The following ASB3 variants were observed in gnomAD, a reference collection of about 807,000 sequenced individuals.
The protein encoded by ASB3 is ankyrin repeat and SOCS box protein 3.
In ASB3, 41 loss-of-function variants were observed where a neutral mutation model predicts 54.5. The ratio of observed to expected loss-of-function variants is 0.75; its 90% CI spans 0.59 to 0.98. The LOEUF (loss-of-function observed/expected upper bound fraction) is 0.98. ASB3 is among the 50% of genes least tolerant of loss of function. The probability of loss-of-function intolerance (pLI) is 0.00; values close to 1 mark genes in which losing one functional copy is unlikely to be tolerated. For missense variants in ASB3, 733 were observed against 620.0 expected (o/e 1.18, Z -1.94); for synonymous variants, 266 against 221.2 (o/e 1.20, Z -1.80).
intron 2 of ASB3, among the ~76,000 whole-genome samples, chr2:53,762,551 G>T (rs1160597680): frequency 2.0e-5 from 3 of 152,182 alleles, no homozygotes; most frequent in African/African-American, 7.2e-5. Context: ...CTATGAGCTA[G>T]ATCATTTATT....
rs1034845770 is a variant in ASB3 at position 53,670,282 on chromosome 2, G to C, written c.*221C>G. On this transcript the variant is annotated 3_prime_UTR_variant, in exon 10 of 10. Transcript: ENST00000263634. Reference sequence around the variant, plus strand: ...GAAGCTGCAATAAAGTAATATAAGTGATGTTTACAATTTTTTTTTTTTTTT... The same window carrying C: ...GAAGCTGCAATAAAGTAATATAAGTCATGTTTACAATTTTTTTTTTTTTTT... 1.6e-5 allele frequency: 7 copies of C among 432,940 alleles called. No homozygotes were observed. The highest frequency in any genetic ancestry group is 2.4e-5 in the Non-Finnish European group (6 of 252,974). 26.8% of individuals were successfully genotyped at this position (432,940 alleles called of 1,614,324 possible).
chr2:53,763,010 T>A (rs1673230532), intron 2 of ASB3, among the ~76,000 whole-genome samples: 1 of 152,140 alleles, frequency 6.6e-6, no homozygotes, highest in African/African-American at 2.4e-5. Context: ...ACCTTCTTAT[T>A]TGGGTGCACT....
At chr2:53,773,637 G>A (rs1674105854) in intron 1 of ASB3, among the ~76,000 whole-genome samples, 1 of 151,784 alleles carries the variant, frequency 6.6e-6, no homozygotes, top group Non-Finnish European at 1.5e-5. Flanking sequence ...CACCATCTTG[G>A]CCAGGCTGGT....
chr2:53,727,514 T>A (rs771762533), intron 5 of ASB3, among the ~76,000 whole-genome samples: 1 of 152,022 alleles, frequency 6.6e-6, no homozygotes. Flanking sequence ...AATGCACCTG[T>A]AATCGCAGCT....
intron 3 of ASB3, among the ~76,000 whole-genome samples, chr2:53,731,480 G>C (rs942345100): frequency 4.6e-5 from 7 of 152,250 alleles, no homozygotes; most frequent in Non-Finnish European, 8.8e-5. Context: ...ACCAATGGCT[G>C]TGACAGTACC....
At chr2:53,721,904 A>G (rs1242703803) in intron 5 of ASB3, among the ~76,000 whole-genome samples, 1 of 152,152 alleles carries the variant, frequency 6.6e-6, no homozygotes, top group Non-Finnish European at 1.5e-5. Flanking sequence ...TGAAACCAAA[A>G]GTTGGTTCTT....
chr2:53,676,096 T>C (rs1668067548), intron 9 of ASB3, among the ~76,000 whole-genome samples: 1 of 152,216 alleles, frequency 6.6e-6, no homozygotes, highest in Non-Finnish European at 1.5e-5. Context: ...AATTTACCTT[T>C]GAGCTTAAGG....
intron 1 of ASB3, chr2:53,767,872 A>G: frequency 6.3e-7 from 1 of 1,599,272 alleles, no homozygotes. Context: ...ACTGGGGCAG[A>G]GGAGCCGCGA....
intron 2 of ASB3, among the ~76,000 whole-genome samples, chr2:53,756,394 T>C (rs1572976531): frequency 6.6e-6 from 1 of 152,176 alleles, no homozygotes. Context: ...CTGATTAACA[T>C]AGCATACAAT....
chr2:53,779,611 AT>A (rs1335284638), intron 1 of ASB3, among the ~76,000 whole-genome samples: 1 of 151,940 alleles, frequency 6.6e-6, no homozygotes, highest in Non-Finnish European at 1.5e-5. Flanking sequence ...TAATTTTTGC[AT>A]TTTTTGTAGA....
chr2:53,747,528 G>A (rs956878886), intron 3 of ASB3, among the ~76,000 whole-genome samples: 13 of 152,120 alleles, frequency 8.5e-5, no homozygotes, highest in Non-Finnish European at 1.3e-4. Context: ...GCTGGACAAC[G>A]AGACTGAAAG....
chr2:53,764,893 T>C (rs1673350229), intron 2 of ASB3, among the ~76,000 whole-genome samples: 1 of 152,240 alleles, frequency 6.6e-6, no homozygotes, highest in African/African-American at 2.4e-5. Context: ...ATATTTGTCA[T>C]CTGTTTCCTC....
chr2:53,749,114 A>G (rs777428049), intron 3 of ASB3, among the ~76,000 whole-genome samples: 1 of 152,136 alleles, frequency 6.6e-6, no homozygotes, highest in Non-Finnish European at 1.5e-5. Flanking sequence ...GACTACTTCC[A>G]TAAGTCTGAA....
In ASB3 at chr2:53,670,635, T is replaced by C. The variant is rs775960620; in HGVS notation, c.1425A>G (p.Lys475=). 2.5e-6 allele frequency: 4 copies of C among 1,613,890 alleles called. No homozygotes were observed. The highest frequency in any genetic ancestry group is 8.5e-7 in the Non-Finnish European group (1 of 1,179,972). The change falls in exon 10 of 10, where the codon AAA becomes AAG. Residue 475 remains lysine, a synonymous_variant. Transcript: ENST00000263634. ...LCRLEIRSSL[K]SERLRSDSYI... is the part of the protein sequence containing the mutation. ...AACTGTCAGACCGTAGACGTTCTGA[T>C]TTTAGACTGGACCGAATTTCCAAAC... is the stretch of plus-strand genomic sequence containing the variant.
intron 3 of ASB3, among the ~76,000 whole-genome samples, chr2:53,744,384 C>CAAAAAAAAAAAAAAAA (rs779225958): frequency 5.7e-5 from 8 of 139,942 alleles, no homozygotes; most frequent in African/African-American, 2.0e-4. Context: ...GACTCTGTCT[C>CAAAAAAAAAAAAAAAA]AAAAAAATAA....
chr2:53,720,518 T>G (rs778582284), intron 5 of ASB3, among the ~76,000 whole-genome samples: 1 of 152,096 alleles, frequency 6.6e-6, no homozygotes. Context: ...TACATAATGA[T>G]AAAGGGTTCA....
chr2:53,695,581 A>G (rs1669139427), intron 8 of ASB3, among the ~76,000 whole-genome samples: 1 of 152,076 alleles, frequency 6.6e-6, no homozygotes, highest in South Asian at 2.1e-4. Context: ...TTATCTGAAC[A>G]TATACATGAC....
intron 1 of ASB3, chr2:53,767,717 T>G: frequency 1.4e-6 from 1 of 737,878 alleles, no homozygotes; most frequent in Non-Finnish European, 2.2e-6. Context: ...CTGACTGAGA[T>G]CCGCTCGGAA....
chr2:53,777,990 T>C (rs1205384749), intron 1 of ASB3, among the ~76,000 whole-genome samples: 4 of 151,526 alleles, frequency 2.6e-5, no homozygotes, highest in Non-Finnish European at 5.9e-5. Flanking sequence ...CTACCAAAAA[T>C]ACAAAAAAAT....
Sources: gnomAD v4.1 joint callset for allele counts (sites outside exome capture counted in the v4.1 genomes callset) on GRCh38, gnomAD v4.1.1 for gene constraint, MANE v1.5 for transcripts, NCBI Gene and HGNC (gene_info 2026-07-23, HGNC 2026-07-21) for gene names.